The following ZNF385D variants were observed in gnomAD, a reference collection of about 807,000 sequenced individuals.
ZNF385D encodes the protein zinc finger protein 385D, also known as zinc finger protein 659.
Under a neutral mutation model 35.8 loss-of-function variants are expected in ZNF385D, and 15 were observed. The observed-to-expected ratio is 0.42, with a 90% CI of 0.28 to 0.64. The LOEUF is 0.64. Ranked by LOEUF, ZNF385D falls within the 30% of genes least tolerant of loss-of-function variation. The pLI is 0.23. For missense variants in ZNF385D, 474 were observed against 494.6 expected, an observed-to-expected ratio of 0.96 and a Z score of 0.39; for synonymous variants, 212 against 186.8, an observed-to-expected ratio of 1.13 and a Z score of -1.10.
chr3:22,221,743 TG>T (rs1341837664), intron 2 of ZNF385D, among the ~76,000 whole-genome samples: 1 of 152,184 alleles, frequency 6.6e-6, no homozygotes. Context: ...ACAGAGTATT[TG>T]TACAAAAAGC....
At chr3:21,956,552 A>G (rs1000746070) in intron 3 of ZNF385D, among the ~76,000 whole-genome samples, 3 of 152,046 alleles carry the variant, frequency 2.0e-5, no homozygotes, top group Admixed American at 6.6e-5. Context: ...TAGCTTTTCA[A>G]TAACTGGAAG....
chr3:21,495,465 A>G (rs1705763248), intron 4 of ZNF385D, among the ~76,000 whole-genome samples: 1 of 152,184 alleles, frequency 6.6e-6, no homozygotes, highest in South Asian at 2.1e-4. Flanking sequence ...TGGGTAAATA[A>G]TGAAATTAAG....
rs1559364131 is a variant in ZNF385D at position 22,094,409 on chromosome 3, T to TAA, written c.325+74406_325+74407dup. Among the ~76,000 whole-genome samples the TAA allele has an allele frequency of 8.7e-5, 7 of 80,528 alleles. No individual in the cohort carries two copies. The East Asian group carries it at 1.7e-3, about 19-fold the overall frequency. 52.8% of individuals were successfully genotyped at this position (80,528 alleles called of 152,430 possible). ...TGATATATATATATATATATATATA[T>TAA]AAAGGCATTTGTGTCATATGAGTCC... On this transcript the variant is annotated intron_variant, in intron 3 of 5. Transcript: ENST00000494108.
intron 3 of ZNF385D, among the ~76,000 whole-genome samples, chr3:21,560,578 C>T (rs563777026): frequency 3.7e-4 from 56 of 152,252 alleles, no homozygotes; most frequent in South Asian, 2.7e-3. Context: ...AGGTGCCGGT[C>T]GGCCCCTACT....
chr3:21,755,513 T>C (rs1178419101), upstream of ZNF385D, among the ~76,000 whole-genome samples: 7 of 152,194 alleles, frequency 4.6e-5, no homozygotes, highest in African/African-American at 1.4e-4. Context: ...ACTGAAGCAA[T>C]CTGTAATCAA....
chr3:22,226,488 G>A (rs755922862), intron 2 of ZNF385D, among the ~76,000 whole-genome samples: 1 of 152,116 alleles, frequency 6.6e-6, no homozygotes, highest in East Asian at 1.9e-4. Flanking sequence ...CAGCTGTTTT[G>A]TTCTCCTATC....
At chr3:21,930,698 T>A (rs141547081) in intron 3 of ZNF385D, among the ~76,000 whole-genome samples, 2 of 152,242 alleles carry the variant, frequency 1.3e-5, no homozygotes, top group East Asian at 3.9e-4. Flanking sequence ...TTTTTGACAA[T>A]GAAGCCAAGG....
chr3:21,473,737 T>C (rs1038798400), intron 4 of ZNF385D, among the ~76,000 whole-genome samples: 1 of 152,080 alleles, frequency 6.6e-6, no homozygotes, highest in Non-Finnish European at 1.5e-5. Flanking sequence ...CTTTCTCCCT[T>C]GAATGGGCTG....
intron 3 of ZNF385D, among the ~76,000 whole-genome samples, chr3:21,954,821 G>A (rs543917006): frequency 6.6e-6 from 1 of 152,110 alleles, no homozygotes; most frequent in East Asian, 1.9e-4. Context: ...TGACTTTTGT[G>A]TTATACTTGC....
intron 3 of ZNF385D, among the ~76,000 whole-genome samples, chr3:21,831,038 T>C (rs894456665): frequency 1.3e-5 from 2 of 152,190 alleles, no homozygotes; most frequent in Non-Finnish European, 2.9e-5. Flanking sequence ...AGAGTTTATG[T>C]ACCCAGCGAG....
chr3:21,872,506 C>T (rs1301198573), intron 3 of ZNF385D, among the ~76,000 whole-genome samples: 1 of 152,272 alleles, frequency 6.6e-6, no homozygotes, highest in South Asian at 2.1e-4. Flanking sequence ...AATAACAACA[C>T]ATTCCTGGTG....
At chr3:21,528,776 C>T (rs759091402) in intron 3 of ZNF385D, among the ~76,000 whole-genome samples, 1 of 152,100 alleles carries the variant, frequency 6.6e-6, no homozygotes, top group African/African-American at 2.4e-5. Flanking sequence ...TACTATTATG[C>T]TCTAATCCTG....
chr3:22,215,665 T>C (rs898610517), intron 2 of ZNF385D, among the ~76,000 whole-genome samples: 2 of 152,108 alleles, frequency 1.3e-5, no homozygotes, highest in South Asian at 2.1e-4. Flanking sequence ...CCTGGTACTG[T>C]AGTCCTGTAA....
At chr3:22,207,930 C>G (rs1697262269) in intron 2 of ZNF385D, among the ~76,000 whole-genome samples, 1 of 151,760 alleles carries the variant, frequency 6.6e-6, no homozygotes, top group Admixed American at 6.6e-5. Context: ...TAGACAATAA[C>G]AAATACTAGG....
At chr3:21,849,744 T>C (rs895029513) in intron 3 of ZNF385D, 1 of 151,990 alleles carries the variant, frequency 6.6e-6, no homozygotes, top group Non-Finnish European at 1.5e-5. Flanking sequence ...AAACTTATGT[T>C]TTTTTCTAAT....
At chr3:22,203,133 C>A (rs758902796) in intron 2 of ZNF385D, among the ~76,000 whole-genome samples, 1 of 152,064 alleles carries the variant, frequency 6.6e-6, no homozygotes, top group African/African-American at 2.4e-5. Flanking sequence ...AAGATAACGT[C>A]CCCTCCACTT....
chr3:21,509,678 G>A (rs1484594415), intron 4 of ZNF385D, among the ~76,000 whole-genome samples: 2 of 152,060 alleles, frequency 1.3e-5, no homozygotes, highest in African/African-American at 4.8e-5. Flanking sequence ...ATTTTACTCA[G>A]CATTTATCCC....
intron 3 of ZNF385D, among the ~76,000 whole-genome samples, chr3:21,810,955 CATAT>C (rs1390301169): frequency 7.1e-6 from 1 of 141,276 alleles, no homozygotes; most frequent in African/African-American, 2.6e-5. Context: ...CACACACACA[CATAT>C]GTGTGTGTAT....
At chr3:22,136,773 T>C (rs9818258) in intron 3 of ZNF385D, among the ~76,000 whole-genome samples, 2,772 of 152,144 alleles carry the variant, frequency 0.018, 35 homozygotes, top group Non-Finnish European at 0.026. Flanking sequence ...AAGAGAACTG[T>C]CAAGCCACTA....
Sources: allele counts gnomAD v4.1 joint callset (sites outside exome capture counted in the v4.1 genomes callset), GRCh38; gene constraint gnomAD v4.1.1; transcripts MANE v1.5; gene names NCBI Gene and HGNC (gene_info 2026-07-23, HGNC 2026-07-21).